Variants in TSPAN11 observed in about 807,000 individuals in gnomAD.
TSPAN11 encodes tetraspanin 11.
In TSPAN11, 29 loss-of-function variants were observed where a neutral mutation model predicts 32.9. The observed-to-expected ratio is 0.88, with a 90% confidence interval of 0.66 to 1.20. The LOEUF is 1.20. TSPAN11 is among the 50% of genes most tolerant of loss of function. The pLI, the probability that TSPAN11 is intolerant of heterozygous loss-of-function variation, is 0.00. For missense variants in TSPAN11, 283 were observed against 329.1 expected (o/e 0.86, Z 1.08); for synonymous variants, 140 against 141.3 (o/e 0.99, Z 0.07).
intron 4 of TSPAN11, among the ~76,000 whole-genome samples, chr12:30,979,234 A>G (rs1374570856): frequency 6.6e-6 from 1 of 152,160 alleles, no homozygotes; most frequent in Non-Finnish European, 1.5e-5. Context: ...ATCAACAGAC[A>G]TTTCAAAGCA....
intron 1 of TSPAN11, among the ~76,000 whole-genome samples, chr12:30,949,731 G>A (rs991109962): frequency 6.6e-6 from 1 of 152,040 alleles, no homozygotes; most frequent in Non-Finnish European, 1.5e-5. Flanking sequence ...CTTGTCATTT[G>A]AAAATATCCA....
intron 1 of TSPAN11, among the ~76,000 whole-genome samples, chr12:30,929,583 C>T (rs1323507856): frequency 6.6e-6 from 1 of 152,158 alleles, no homozygotes; most frequent in Non-Finnish European, 1.5e-5. Flanking sequence ...TTATCGTCCT[C>T]TATTGGGGGT....
At chr12:30,982,716 G>A (rs982638135) in intron 6 of TSPAN11, 26 bp downstream of exon 6, 1 of 1,533,838 alleles carries the variant, frequency 6.5e-7, no homozygotes, top group African/African-American at 1.4e-5. Flanking sequence ...CAAGTTGGGG[G>A]TGAGGAGAGG....
intron 3 of TSPAN11, among the ~76,000 whole-genome samples, chr12:30,977,149 A>C (rs959617589): frequency 1.3e-5 from 2 of 152,202 alleles, no homozygotes; most frequent in Non-Finnish European, 2.9e-5. Context: ...TGTGAAAAGA[A>C]ATGGCCCCTC....
intron 3 of TSPAN11, among the ~76,000 whole-genome samples, chr12:30,972,892 C>T (rs932118889): frequency 6.6e-6 from 1 of 151,998 alleles, no homozygotes; most frequent in Admixed American, 6.5e-5. Flanking sequence ...GAACACAGGG[C>T]AGTGACGGAT....
intron 7 of TSPAN11, among the ~76,000 whole-genome samples, chr12:30,984,239 G>A (rs778131361): frequency 6.6e-6 from 1 of 152,250 alleles, no homozygotes; most frequent in Non-Finnish European, 1.5e-5. Context: ...AGGAGCAGAG[G>A]CTTTGGCCTC....
chr12:30,945,226 C>G (rs943495850), intron 1 of TSPAN11, among the ~76,000 whole-genome samples: 1 of 152,130 alleles, frequency 6.6e-6, no homozygotes, highest in Non-Finnish European at 1.5e-5. Context: ...ACCCCTCCCT[C>G]TGTGTTCCCA....
chr12:31,006,755 G>A, the TSPAN11 span, among the ~76,000 whole-genome samples: 1 of 152,358 alleles, frequency 6.6e-6, no homozygotes, highest in Non-Finnish European at 1.5e-5. Flanking sequence ...GCTGTATAGT[G>A]AGCCCGCACT....
chr12:30,943,745 C>G (rs1274204678), intron 1 of TSPAN11, among the ~76,000 whole-genome samples: 1 of 152,208 alleles, frequency 6.6e-6, no homozygotes, highest in African/African-American at 2.4e-5. Flanking sequence ...GAGGAAGTCT[C>G]ACTTCTATGA....
At chr12:30,960,687 C>T (rs1389389878) in intron 2 of TSPAN11, among the ~76,000 whole-genome samples, 2 of 152,000 alleles carry the variant, frequency 1.3e-5, no homozygotes, top group Non-Finnish European at 2.9e-5. Flanking sequence ...TCCTTGTCGC[C>T]TGGCTTCACC....
chr12:30,956,053 A>G (rs1371447663), intron 2 of TSPAN11, among the ~76,000 whole-genome samples: 1 of 152,194 alleles, frequency 6.6e-6, no homozygotes, highest in Non-Finnish European at 1.5e-5. Context: ...GTGGTGACTT[A>G]CATTGTGGGA....
intron 1 of TSPAN11, among the ~76,000 whole-genome samples, chr12:30,935,982 A>G (rs1226919820): frequency 6.6e-6 from 1 of 152,242 alleles, no homozygotes; most frequent in Non-Finnish European, 1.5e-5. Flanking sequence ...TTTAGAACTC[A>G]TCTAAATGGA....
At chr12:30,935,729 T>G (rs991295666) in intron 1 of TSPAN11, among the ~76,000 whole-genome samples, 2 of 152,204 alleles carry the variant, frequency 1.3e-5, no homozygotes, top group Non-Finnish European at 2.9e-5. Flanking sequence ...CTCTTAGTGC[T>G]GAGAGGCAGT....
At chr12:30,990,284 T>C (rs571165565) in intron 7 of TSPAN11, among the ~76,000 whole-genome samples, 74 of 152,300 alleles carry the variant, frequency 4.9e-4, no homozygotes, top group African/African-American at 1.7e-3. Flanking sequence ...CTGGGGAGTG[T>C]GGCCCCTCCA....
the TSPAN11 span, among the ~76,000 whole-genome samples, chr12:31,014,953 A>G: frequency 7.4e-3 from 1,120 of 152,360 alleles, 10 homozygotes; most frequent in Non-Finnish European, 0.011. Context: ...ATAGTCTTCC[A>G]TCAGGGAGTT....
rs35425953 is a variant in TSPAN11 at position 30,974,559 on chromosome 12, A to G, written c.277-4002A>G. 2.7e-3 allele frequency among the ~76,000 whole-genome samples: 414 copies of G among 152,356 alleles called. 1 individual carries two copies. The highest frequency in any genetic ancestry group is 0.01 in the Middle Eastern group (3 of 294). ...TGCTCCAGCCAGTTTCTGCTGTCTC[A>G]TAGGTGTACTTTATTAGAAAGTGCA... On this transcript the variant is annotated intron_variant, in intron 3 of 7. Transcript: ENST00000546076.
chr12:30,998,380 C>T (rs1350095732), downstream of TSPAN11, among the ~76,000 whole-genome samples: 2 of 152,224 alleles, frequency 1.3e-5, no homozygotes, highest in Non-Finnish European at 2.9e-5. Flanking sequence ...GTCATTGCTG[C>T]CTCTGGGTGG....
intron 1 of TSPAN11, among the ~76,000 whole-genome samples, chr12:30,927,797 T>C (rs546380534): frequency 6.6e-6 from 1 of 152,300 alleles, no homozygotes; most frequent in South Asian, 2.1e-4. Flanking sequence ...TTAATGGTTG[T>C]CACTGTGTCA....
rs1296268868 is a variant in TSPAN11 at position 30,975,534 on chromosome 12, G to A, written c.277-3027G>A. 6.6e-6 allele frequency among the ~76,000 whole-genome samples: 1 copy of A among 152,112 alleles called. No homozygotes were observed. The highest frequency in any genetic ancestry group is 1.5e-5 in the Non-Finnish European group (1 of 68,010). On this transcript the variant is annotated intron_variant, in intron 3 of 7. Transcript: ENST00000546076. The surrounding 1 kb of genome is among the most constrained non-coding windows in gnomAD (Gnocchi z 4.5). The stretch of plus-strand genomic sequence containing the variant: ...CTCCCCTCCTCCTGACCACTCCGCA[G>A]GTCAGATAGCCTGTTTGATGCCTCT...
Sources: gnomAD v4.1 joint callset for allele counts (sites outside exome capture counted in the v4.1 genomes callset) on GRCh38, gnomAD v4.1.1 for gene constraint, Gnocchi (gnomAD v3.1) non-coding constraint, MANE v1.5 for transcripts, NCBI Gene and HGNC (gene_info 2026-07-23, HGNC 2026-07-21) for gene names.